Variants in OR9Q1 observed in about 807,000 individuals in gnomAD.
OR9Q1 encodes olfactory receptor 9Q1.
For synonymous variants in OR9Q1, 153 were observed against 148.6 expected (o/e 1.03, Z -0.22); for missense variants, 374 against 378.8 (o/e 0.99, Z 0.11).
At chr11:58,091,063 C>T (rs1459982487) in intron 2 of OR9Q1, among the ~76,000 whole-genome samples, 1 of 151,586 alleles carries the variant, frequency 6.6e-6, no homozygotes, top group Non-Finnish European at 1.5e-5. Context: ...AGTAGTCCAT[C>T]TATTTTGTTA....
intron 2 of OR9Q1, chr11:58,124,756 T>G (rs146231635): frequency 1.3e-5 from 2 of 152,326 alleles, no homozygotes; most frequent in African/African-American, 4.8e-5. Context: ...TATGTTTAAA[T>G]TCTAACCCTG....
intron 2 of OR9Q1, among the ~76,000 whole-genome samples, chr11:58,099,239 A>G (rs1853760654): frequency 6.7e-6 from 1 of 148,654 alleles, no homozygotes; most frequent in East Asian, 1.9e-4. Flanking sequence ...TTTTTTGCCT[A>G]CTCTTTCTAT....
intron 2 of OR9Q1, among the ~76,000 whole-genome samples, chr11:58,088,060 C>T (rs1036055040): frequency 2.6e-5 from 4 of 151,836 alleles, no homozygotes; most frequent in African/African-American, 2.4e-5. Context: ...AGGCTGGTTT[C>T]GAACTCCTGA....
At chr11:58,037,694 T>TATAG (rs1853120522) in intron 1 of OR9Q1, among the ~76,000 whole-genome samples, 3 of 6,274 alleles carry the variant, frequency 4.8e-4, no homozygotes, top group African/African-American at 6.0e-4. Context: ...TATATATTTT[T>TATAG]TTTTTTTTTT....
At chr11:58,107,142 TAGG>T in intron 2 of OR9Q1, among the ~76,000 whole-genome samples, 1 of 152,178 alleles carries the variant, frequency 6.6e-6, no homozygotes, top group East Asian at 1.9e-4. Flanking sequence ...CTTTACGTTC[TAGG>T]GTACATGTGC....
chr11:58,088,360 T>C (rs1332638588), intron 2 of OR9Q1, among the ~76,000 whole-genome samples: 3 of 151,924 alleles, frequency 2.0e-5, no homozygotes, highest in Non-Finnish European at 4.4e-5. Context: ...CTGGGTCAAA[T>C]GGTATTTCTG....
chr11:58,141,329 C>T (rs1854246683), intron 2 of OR9Q1, among the ~76,000 whole-genome samples: 1 of 152,122 alleles, frequency 6.6e-6, no homozygotes, highest in Admixed American at 6.6e-5. Context: ...AGTTTTTGCC[C>T]ATTCAGTATG....
intron 2 of OR9Q1, among the ~76,000 whole-genome samples, chr11:58,058,995 C>T (rs906877867): frequency 5.9e-5 from 9 of 152,174 alleles, no homozygotes; most frequent in African/African-American, 2.2e-4. Flanking sequence ...GGCCTGAACA[C>T]ACTTGCTCAG....
At chr11:58,136,642 G>GC (rs1186412910) in intron 2 of OR9Q1, among the ~76,000 whole-genome samples, 1 of 152,180 alleles carries the variant, frequency 6.6e-6, no homozygotes, top group Middle Eastern at 3.2e-3. Flanking sequence ...ATGGCAAGGT[G>GC]CAACTGTTCT....
intron 2 of OR9Q1, among the ~76,000 whole-genome samples, chr11:58,127,318 C>A (rs1473311418): frequency 1.3e-5 from 2 of 152,080 alleles, no homozygotes; most frequent in African/African-American, 4.8e-5. Context: ...TAAAAAAAGA[C>A]CCGGGACAGA....
intron 2 of OR9Q1, chr11:58,119,087 A>G: frequency 9.3e-6 from 15 of 1,613,986 alleles, no homozygotes; most frequent in Non-Finnish European, 1.3e-5. Flanking sequence ...TAGCGATCAT[A>G]GGCCATCACT....
At chr11:58,075,590 C>G (rs1359956167) in intron 2 of OR9Q1, among the ~76,000 whole-genome samples, 1 of 152,204 alleles carries the variant, frequency 6.6e-6, no homozygotes, top group African/African-American at 2.4e-5. Context: ...CTGCTGGTCT[C>G]TTTCTTTGAC....
chr11:58,138,423 G>A (rs1854209558), intron 2 of OR9Q1, among the ~76,000 whole-genome samples: 1 of 152,148 alleles, frequency 6.6e-6, no homozygotes, highest in African/African-American at 2.4e-5. Context: ...CAAAAAAGTA[G>A]GAATAAATTA....
chr11:58,155,611 T>A (rs1854400637), intron 2 of OR9Q1, among the ~76,000 whole-genome samples: 1 of 152,166 alleles, frequency 6.6e-6, no homozygotes. Context: ...CTTCTTCCAG[T>A]AGTACGAACT....
intron 2 of OR9Q1, among the ~76,000 whole-genome samples, chr11:58,159,219 GC>G (rs1854435703): frequency 6.6e-6 from 1 of 152,190 alleles, no homozygotes; most frequent in Admixed American, 6.5e-5. Flanking sequence ...CTTGGTATGT[GC>G]TGGCAAATAA....
At chr11:58,151,502 A>T (rs1244038132) in intron 2 of OR9Q1, among the ~76,000 whole-genome samples, 1 of 152,190 alleles carries the variant, frequency 6.6e-6, no homozygotes, top group Non-Finnish European at 1.5e-5. Context: ...AGACGGAATG[A>T]CAGTTTGAAA....
At chr11:58,057,815 G>A (rs7128366) in intron 2 of OR9Q1, 8 of 152,050 alleles carry the variant, frequency 5.3e-5, no homozygotes, top group East Asian at 1.9e-4. Flanking sequence ...TAGCAGCAGC[G>A]TCACACCACC....
chr11:58,026,154 A>G (rs1049578269), intron 1 of OR9Q1, among the ~76,000 whole-genome samples: 3 of 152,172 alleles, frequency 2.0e-5, no homozygotes, highest in Non-Finnish European at 4.4e-5. Flanking sequence ...CTTGCAACTC[A>G]TTTTGGGTTA....
intron 2 of OR9Q1, among the ~76,000 whole-genome samples, chr11:58,074,225 G>C (rs1403960325): frequency 6.6e-6 from 1 of 151,946 alleles, no homozygotes; most frequent in African/African-American, 2.4e-5. Context: ...TCTAGTTCTA[G>C]ATCCTTGAGG....
Sources: allele counts gnomAD v4.1 joint callset (sites outside exome capture counted in the v4.1 genomes callset), GRCh38; gene constraint gnomAD v4.1.1; transcripts MANE v1.5; gene names NCBI Gene and HGNC (gene_info 2026-07-23, HGNC 2026-07-21).